The following GRM1 variants were observed in gnomAD, a reference collection of about 807,000 sequenced individuals.
The protein encoded by GRM1 is glutamate metabotropic receptor 1, also known as metabotropic glutamate receptor 1.
In GRM1, 33 loss-of-function variants were observed where a neutral mutation model predicts 90.9. The ratio of observed to expected loss-of-function variants is 0.36; its 90% confidence interval spans 0.28 to 0.49. The LOEUF (loss-of-function observed/expected upper bound fraction) is 0.49, where lower values mean the gene tolerates loss of function less well. Among genes scored for constraint, GRM1 ranks in the 20% least tolerant of loss-of-function variants. The pLI is 0.99. For missense variants in GRM1, 1,190 were observed against 1,534.3 expected (o/e 0.78, Z 3.75); for synonymous variants, 700 against 613.2 (o/e 1.14, Z -2.09).
intron 1 of GRM1, among the ~76,000 whole-genome samples, chr6:146,049,651 ATAT>A (rs1791453071): frequency 6.8e-6 from 1 of 147,472 alleles, no homozygotes; most frequent in Admixed American, 6.8e-5. Context: ...ACCTCCTTTC[ATAT>A]CTATCTATCT....
chr6:146,238,283 T>C (rs1339507382), intron 2 of GRM1, among the ~76,000 whole-genome samples: 2 of 152,176 alleles, frequency 1.3e-5, no homozygotes, highest in Admixed American at 1.3e-4. Context: ...ATGATAACTA[T>C]AAGCTGACAG....
chr6:146,162,643 T>G (rs978695607), intron 2 of GRM1, among the ~76,000 whole-genome samples: 4 of 152,162 alleles, frequency 2.6e-5, no homozygotes, highest in Non-Finnish European at 5.9e-5. Flanking sequence ...GACCCCCTAT[T>G]TATTTCATAA....
intron 2 of GRM1, among the ~76,000 whole-genome samples, chr6:146,194,992 TG>T (rs1380564264): frequency 6.6e-6 from 1 of 152,210 alleles, no homozygotes; most frequent in Non-Finnish European, 1.5e-5. Context: ...AGTTACTACA[TG>T]TAAAACACTT....
chr6:146,386,126 A>G (rs1776492429), intron 5 of GRM1, among the ~76,000 whole-genome samples: 1 of 152,088 alleles, frequency 6.6e-6, no homozygotes, highest in South Asian at 2.1e-4. Flanking sequence ...AGATAAATGC[A>G]AGACCAAATT....
intron 2 of GRM1, among the ~76,000 whole-genome samples, chr6:146,191,091 G>A (rs1778921848): frequency 6.6e-6 from 1 of 152,132 alleles, no homozygotes; most frequent in Non-Finnish European, 1.5e-5. Flanking sequence ...GTTTGGAAAG[G>A]TCTCCAAGTC....
At chr6:146,279,042 G>A (rs2114848558) in intron 2 of GRM1, among the ~76,000 whole-genome samples, 1 of 152,226 alleles carries the variant, frequency 6.6e-6, no homozygotes, top group South Asian at 2.1e-4. Flanking sequence ...TTTATTAACA[G>A]ATATTGTAAT....
At chr6:146,201,398 A>G (rs1028532260) in intron 2 of GRM1, among the ~76,000 whole-genome samples, 1 of 152,230 alleles carries the variant, frequency 6.6e-6, no homozygotes, top group Non-Finnish European at 1.5e-5. Context: ...TGGGTTAAAC[A>G]ACAGGTATTT....
chr6:146,145,913 G>A (rs1777077002), intron 1 of GRM1, among the ~76,000 whole-genome samples: 1 of 151,900 alleles, frequency 6.6e-6, no homozygotes, highest in Non-Finnish European at 1.5e-5. Context: ...AGGTCTTGGG[G>A]GCCCAACTCC....
Position 146,062,344 on chromosome 6 carries a change from G to A in GRM1, c.700+32127G>A, listed in dbSNP as rs761009799. ...AACATCACACACTAGGGCCTGTTGGGGGGTAGGGGGCTAGGGGAGGGATAG... is the reference window on the plus strand; with the variant it reads ...AACATCACACACTAGGGCCTGTTGGAGGGTAGGGGGCTAGGGGAGGGATAG... On this transcript the variant is annotated intron_variant, in intron 1 of 7. Transcript: ENST00000282753. Among the ~76,000 whole-genome samples the A allele has an allele frequency of 3.9e-5, 5 of 128,868 alleles. No homozygotes were observed. In the South Asian group the frequency reaches 1.1e-3, roughly 29 times the overall value. The allele number at this position is 128,868 out of a possible 152,430, so 84.5% of individuals were successfully genotyped here. A position where few individuals can be genotyped will look rare whatever the true frequency, so the allele number is the denominator to read the frequency against.
Position 146,434,126 on chromosome 6 carries a change from G to A in GRM1, c.2915G>A (p.Gly972Asp). ...DAQPIRFSPP[G>D]SPSMVVHRRV... is the part of the protein sequence containing the mutation. ...CAGCCGATTCGCTTTAGCCCGCCTG[G>A]TAGCCCTTCCATGGTGGTGCACAGG... The change falls in exon 8 of 8, where the codon GGT (glycine) becomes GAT (aspartate). Residue 972 changes from glycine (G) to aspartate (D), a missense_variant. Physicochemically the swap from Gly to Asp is moderately conservative, Grantham distance 94 (BLOSUM62 -1). Transcript: ENST00000282753. The A allele has an allele frequency of 6.2e-7, 1 of 1,614,116 alleles. No homozygotes were observed. Among genetic ancestry groups the A allele is most frequent in the East Asian group, 2.2e-5 (1 of 44,834 alleles).
At position 146,302,910 on chromosome 6, in the gene GRM1, G is replaced by GAGGAAGGAAGGAAGGA. The variant is rs368002136; in HGVS notation, c.951-1688_951-1673dup. Among the ~76,000 whole-genome samples, 6 of 151,472 alleles carry GAGGAAGGAAGGAAGGA rather than the reference G, an allele frequency of 4.0e-5. No individual in the cohort carries two copies. The East Asian group carries it at 7.8e-4, about 20-fold the overall frequency. On this transcript the variant is annotated intron_variant, in intron 2 of 7. Transcript: ENST00000282753. ...GAACGAAGGGAGGAAGGGAGGGAGG[G>GAGGAAGGAAGGAAGGA]AGGAAGGAAGGAAGGAAGGAAGGAA...
chr6:146,085,975 A>G (rs1011255213), intron 1 of GRM1, among the ~76,000 whole-genome samples: 1 of 152,278 alleles, frequency 6.6e-6, no homozygotes, highest in East Asian at 1.9e-4. Context: ...TTGTGCTGGC[A>G]TACTCTATGT....
intron 3 of GRM1, among the ~76,000 whole-genome samples, chr6:146,344,058 A>G (rs553124774): frequency 2.0e-5 from 3 of 152,344 alleles, no homozygotes; most frequent in East Asian, 3.9e-4. Flanking sequence ...ATCAGTTTAT[A>G]TACCAAACTA....
At chr6:146,137,995 T>A (rs1776689529) in intron 1 of GRM1, among the ~76,000 whole-genome samples, 2 of 152,200 alleles carry the variant, frequency 1.3e-5, no homozygotes, top group Non-Finnish European at 1.5e-5. Flanking sequence ...ATTTTTTAAA[T>A]ATTGATTTTG....
chr6:146,399,158 G>T lies in GRM1; in HGVS notation c.2119G>T (p.Val707Leu). 1 of 1,614,104 alleles carries T rather than the reference G, an allele frequency of 6.2e-7. No individual in the cohort carries two copies. Among genetic ancestry groups the T allele is most frequent in the Non-Finnish European group, 8.5e-7 (1 of 1,180,024 alleles). The change falls in exon 7 of 8, where the codon GTG becomes TTG. Residue 707 changes from valine to leucine, a missense_variant. Physicochemically the swap from Val to Leu is conservative, Grantham distance 32 (BLOSUM62 1). Coordinates refer to ENST00000282753, the MANE Select transcript of GRM1 (RefSeq NM_001278064.2). The surrounding 1 kb of genome is among the most constrained non-coding windows in gnomAD (Gnocchi z 5.4). ...KPRFMSAWAQ[V>L]IIASILISVQ... ...CAGGTTCATGAGTGCCTGGGCTCAG[G>T]TGATCATTGCCTCAATTCTGATTAG... is the stretch of plus-strand genomic sequence containing the variant.
At chr6:146,169,359 G>A (rs567886376) in intron 2 of GRM1, among the ~76,000 whole-genome samples, 1 of 152,164 alleles carries the variant, frequency 6.6e-6, no homozygotes, top group East Asian at 1.9e-4. Context: ...TTGTTTTAAT[G>A]TCCTTCTCTG....
At chr6:146,074,330 C>A (rs2128860008) in intron 1 of GRM1, among the ~76,000 whole-genome samples, 1 of 152,080 alleles carries the variant, frequency 6.6e-6, no homozygotes, top group Admixed American at 6.6e-5. Context: ...CCTGCTTTTC[C>A]ACAGGAGGAG....
intron 1 of GRM1, among the ~76,000 whole-genome samples, chr6:146,046,018 C>T (rs1416226404): frequency 6.6e-6 from 1 of 151,906 alleles, no homozygotes; most frequent in East Asian, 2.0e-4. Flanking sequence ...GATTTGATCT[C>T]ACGTCCTCTG....
chr6:146,160,011 A>T (rs1777666448), intron 2 of GRM1: 1 of 166,412 alleles, frequency 6.0e-6, no homozygotes, highest in South Asian at 1.4e-4. Context: ...AAAAAGATGG[A>T]AAGCTGTTTG....
Sources: gnomAD v4.1 joint callset for allele counts (sites outside exome capture counted in the v4.1 genomes callset) on GRCh38, gnomAD v4.1.1 for gene constraint, Gnocchi (gnomAD v3.1) non-coding constraint, MANE v1.5 for transcripts, NCBI Gene and HGNC (gene_info 2026-07-23, HGNC 2026-07-21) for gene names.